Variants in CNBD1 observed in about 807,000 individuals in gnomAD.
CNBD1 encodes the protein cyclic nucleotide binding domain containing 1.
In CNBD1, 71 loss-of-function variants were observed where a neutral mutation model predicts 54.4. The ratio of observed to expected loss-of-function variants is 1.30; its 90% CI spans 1.08 to 1.59. CNBD1 has a LOEUF of 1.59. Ranked by LOEUF, CNBD1 falls within the 40% of genes most tolerant of loss-of-function variation. The probability of loss-of-function intolerance (pLI) is 0.00; values close to 1 mark genes in which losing one functional copy is unlikely to be tolerated. For missense variants in CNBD1, 659 were observed against 518.0 expected, an observed-to-expected ratio of 1.27 and a Z score of -2.64; for synonymous variants, 182 against 170.7, an observed-to-expected ratio of 1.07 and a Z score of -0.51.
intron 5 of CNBD1, among the ~76,000 whole-genome samples, chr8:87,224,617 C>A (rs2130812561): frequency 6.6e-6 from 1 of 151,728 alleles, no homozygotes; most frequent in East Asian, 1.9e-4. Context: ...TGTTTAGGTA[C>A]CAGTACCATG....
intron 8 of CNBD1, among the ~76,000 whole-genome samples, chr8:87,320,441 T>G (rs1809496319): frequency 6.6e-6 from 1 of 152,124 alleles, no homozygotes; most frequent in Admixed American, 6.6e-5. Flanking sequence ...CTTCAATGGT[T>G]TCTGCAAACA....
intron 4 of CNBD1, among the ~76,000 whole-genome samples, chr8:87,141,192 A>G (rs145249274): frequency 2.2e-3 from 335 of 152,270 alleles, no homozygotes; most frequent in African/African-American, 7.5e-3. Flanking sequence ...ATTTAGCTAT[A>G]TAAGTACCAC....
At chr8:87,116,629 CCT>C (rs1243744745) in intron 4 of CNBD1, among the ~76,000 whole-genome samples, 1 of 152,102 alleles carries the variant, frequency 6.6e-6, no homozygotes, top group Admixed American at 6.5e-5. Context: ...TCAATTTCAT[CCT>C]CTGTCAGTCA....
intron 4 of CNBD1, among the ~76,000 whole-genome samples, chr8:87,103,177 C>T (rs1048811046): frequency 3.9e-5 from 6 of 152,056 alleles, no homozygotes; most frequent in Middle Eastern, 3.2e-3. Flanking sequence ...TGGTAACTGC[C>T]ACCAGCTATG....
intron 4 of CNBD1, among the ~76,000 whole-genome samples, chr8:87,079,234 A>T (rs1386729755): frequency 6.6e-6 from 1 of 151,792 alleles, no homozygotes; most frequent in Non-Finnish European, 1.5e-5. Flanking sequence ...TGATAATACA[A>T]TTTTTTTTCA....
At chr8:87,006,708 C>T (rs1246758061) in intron 4 of CNBD1, among the ~76,000 whole-genome samples, 14 of 152,136 alleles carry the variant, frequency 9.2e-5, no homozygotes, top group Admixed American at 7.9e-4. Flanking sequence ...TTAGAGATTA[C>T]AATTCAACAT....
At chr8:86,985,220 T>C (rs556896010) in intron 4 of CNBD1, among the ~76,000 whole-genome samples, 107 of 152,274 alleles carry the variant, frequency 7.0e-4, no homozygotes, top group African/African-American at 2.5e-3. Context: ...TCCCCAGCCA[T>C]GTGGAACTTT....
Position 86,938,905 on chromosome 8 carries a change from T to A in CNBD1, c.273-691T>A, listed in dbSNP as rs985168276. Among the ~76,000 whole-genome samples, 3 of 152,258 alleles carry A rather than the reference T, an allele frequency of 2.0e-5. No homozygotes were observed. In the East Asian group the frequency reaches 5.8e-4, roughly 29 times the overall value. On this transcript the variant is annotated intron_variant, in intron 3 of 10. Transcript: ENST00000518476. Reference sequence around the variant, plus strand: ...CCACATATCTTATATTTAATTTTAATCTTCCTATGTATATAATTAAAGGTC... The same window carrying A: ...CCACATATCTTATATTTAATTTTAAACTTCCTATGTATATAATTAAAGGTC...
At chr8:87,240,979 A>T (rs891205799) in intron 6 of CNBD1, among the ~76,000 whole-genome samples, 9 of 152,050 alleles carry the variant, frequency 5.9e-5, no homozygotes, top group African/African-American at 2.2e-4. Flanking sequence ...GGGTCCCCCC[A>T]GTTGATGGGC....
chr8:87,056,622 A>C (rs1466763164), intron 4 of CNBD1, among the ~76,000 whole-genome samples: 17 of 152,138 alleles, frequency 1.1e-4, no homozygotes, highest in Non-Finnish European at 2.9e-5. Flanking sequence ...ATCCAGAAAT[A>C]TTCTTGACCA....
chr8:87,194,846 C>T (rs1226950437), intron 4 of CNBD1, among the ~76,000 whole-genome samples: 1 of 151,370 alleles, frequency 6.6e-6, no homozygotes, highest in Non-Finnish European at 1.5e-5. Context: ...ATGATTTGTT[C>T]TTCATGTAGT....
intron 4 of CNBD1, among the ~76,000 whole-genome samples, chr8:87,068,920 T>C (rs1207118868): frequency 6.6e-6 from 1 of 151,956 alleles, no homozygotes; most frequent in Non-Finnish European, 1.5e-5. Context: ...GAAAGAAAAA[T>C]AGTAAGCACC....
At chr8:87,113,539 C>A (rs979985322) in intron 4 of CNBD1, among the ~76,000 whole-genome samples, 2 of 152,132 alleles carry the variant, frequency 1.3e-5, no homozygotes, top group African/African-American at 4.8e-5. Context: ...GAAAGTAGAA[C>A]TTGGCTATTT....
chr8:87,050,811 T>C (rs1176144025), intron 4 of CNBD1, among the ~76,000 whole-genome samples: 1 of 152,182 alleles, frequency 6.6e-6, no homozygotes, highest in East Asian at 1.9e-4. Context: ...ATATTGGATG[T>C]TGCAGGGGCT....
chr8:87,296,756 G>C (rs541913220), intron 8 of CNBD1, among the ~76,000 whole-genome samples: 1 of 151,992 alleles, frequency 6.6e-6, no homozygotes, highest in South Asian at 2.1e-4. Context: ...CATAAAACAG[G>C]CTATAATTCA....
chr8:86,901,197 T>C (rs1808927483), intron 2 of CNBD1, among the ~76,000 whole-genome samples: 1 of 152,156 alleles, frequency 6.6e-6, no homozygotes, highest in African/African-American at 2.4e-5. Flanking sequence ...GCAATATGCA[T>C]ATTGTATATA....
At chr8:87,313,795 AT>A (rs1286624175) in intron 8 of CNBD1, among the ~76,000 whole-genome samples, 4 of 151,882 alleles carry the variant, frequency 2.6e-5, no homozygotes, top group African/African-American at 9.7e-5. Context: ...TATGCATTTA[AT>A]TTTTTAACAT....
chr8:87,178,468 G>A (rs1442923786), intron 4 of CNBD1, among the ~76,000 whole-genome samples: 2 of 152,074 alleles, frequency 1.3e-5, no homozygotes, highest in South Asian at 2.1e-4. Flanking sequence ...TATATGAGAG[G>A]GATGGAAAGA....
At chr8:87,037,701 T>C (rs1809979546) in intron 4 of CNBD1, among the ~76,000 whole-genome samples, 1 of 152,230 alleles carries the variant, frequency 6.6e-6, no homozygotes. Context: ...TTTGGTTTTT[T>C]TGGGCTACTG....
Sources: gnomAD v4.1 joint callset for allele counts (sites outside exome capture counted in the v4.1 genomes callset) on GRCh38, gnomAD v4.1.1 for gene constraint, MANE v1.5 for transcripts, NCBI Gene and HGNC (gene_info 2026-07-23, HGNC 2026-07-21) for gene names.